The following NR2F1-AS1 variants were observed in gnomAD, a reference collection of about 807,000 sequenced individuals.
NR2F1-AS1 encodes NR2F1 regulatory antisense RNA 1.
intron 4 of NR2F1-AS1, among the ~76,000 whole-genome samples, chr5:93,457,591 C>G (rs551754290): frequency 6.6e-6 from 1 of 152,196 alleles, no homozygotes; most frequent in African/African-American, 2.4e-5. Context: ...TCCCCCTTTT[C>G]TTTTTGACAA....
chr5:93,460,389 C>T (rs947531997), intron 4 of NR2F1-AS1, among the ~76,000 whole-genome samples: 3 of 152,118 alleles, frequency 2.0e-5, no homozygotes, highest in African/African-American at 7.2e-5. Context: ...TTAGAGTAGT[C>T]TGAGGACCAC....
intron 4 of NR2F1-AS1, among the ~76,000 whole-genome samples, chr5:93,553,401 T>C (rs1752278238): frequency 6.6e-6 from 1 of 152,274 alleles, no homozygotes; most frequent in South Asian, 2.1e-4. Flanking sequence ...AATATATTTT[T>C]AAAATAAGTA....
At chr5:93,518,493 G>A (rs1460685311) in intron 4 of NR2F1-AS1, among the ~76,000 whole-genome samples, 1 of 152,066 alleles carries the variant, frequency 6.6e-6, no homozygotes, top group African/African-American at 2.4e-5. Context: ...TAAGAAAGCA[G>A]GGACTAAGGG....
intron 4 of NR2F1-AS1, among the ~76,000 whole-genome samples, chr5:93,544,416 G>T (rs1405835045): frequency 6.6e-6 from 1 of 151,972 alleles, no homozygotes; most frequent in Non-Finnish European, 1.5e-5. Flanking sequence ...AATTATATGG[G>T]TTGGCACATT....
intron 4 of NR2F1-AS1, among the ~76,000 whole-genome samples, chr5:93,424,685 T>A (rs1749159333): frequency 1.3e-5 from 2 of 152,180 alleles, no homozygotes; most frequent in South Asian, 4.1e-4. Flanking sequence ...TTCCTCATAA[T>A]ATACAAGATG....
chr5:93,517,877 T>C (rs1034355010), intron 4 of NR2F1-AS1, among the ~76,000 whole-genome samples: 3 of 152,118 alleles, frequency 2.0e-5, no homozygotes, highest in Admixed American at 2.0e-4. Context: ...GTGGGTGACC[T>C]ATTACATACC....
At chr5:93,580,790 T>G (rs951523440), upstream of NR2F1-AS1, 1 of 152,302 alleles carries the variant, frequency 6.6e-6, no homozygotes, top group Non-Finnish European at 1.5e-5. Context: ...ACCTTTTAAC[T>G]GACCAGAAGA....
intron 4 of NR2F1-AS1, among the ~76,000 whole-genome samples, chr5:93,549,324 G>C (rs1752170101): frequency 6.6e-6 from 1 of 151,968 alleles, no homozygotes; most frequent in Admixed American, 6.6e-5. Context: ...TCCTTATAAA[G>C]ACAATGAAAT....
At chr5:93,582,727 G>T (rs1286638473), upstream of NR2F1-AS1, among the ~76,000 whole-genome samples, 1 of 152,074 alleles carries the variant, frequency 6.6e-6, no homozygotes, top group East Asian at 1.9e-4. Context: ...ATCGCTAGGC[G>T]TTCTCCCCCT....
chr5:93,539,219 A>G (rs1751899731), intron 4 of NR2F1-AS1, among the ~76,000 whole-genome samples: 1 of 152,166 alleles, frequency 6.6e-6, no homozygotes, highest in African/African-American at 2.4e-5. Context: ...TGGAGGTTGC[A>G]GTGAGCTGAG....
intron 4 of NR2F1-AS1, among the ~76,000 whole-genome samples, chr5:93,540,563 T>G (rs753879735): frequency 3.9e-5 from 6 of 152,194 alleles, no homozygotes; most frequent in Non-Finnish European, 7.3e-5. Flanking sequence ...CTTTGAAGCC[T>G]TCAGTGTTTC....
intron 4 of NR2F1-AS1, among the ~76,000 whole-genome samples, chr5:93,460,014 T>C (rs145479186): frequency 2.0e-5 from 3 of 152,288 alleles, no homozygotes; most frequent in African/African-American, 7.2e-5. Context: ...TTTAAAATAC[T>C]GTCCAAACAA....
At chr5:93,488,436 T>C (rs187484078) in intron 4 of NR2F1-AS1, among the ~76,000 whole-genome samples, 10 of 152,310 alleles carry the variant, frequency 6.6e-5, no homozygotes, top group African/African-American at 2.2e-4. Context: ...CAAAGACTTA[T>C]GAACAGACAC....
intron 4 of NR2F1-AS1, chr5:93,543,042 TACTG>T (rs1246681013): frequency 6.6e-6 from 1 of 152,222 alleles, no homozygotes; most frequent in African/African-American, 2.4e-5. Context: ...CATTAGGATT[TACTG>T]ACCAGGTTCT....
At chr5:93,437,414 G>C (rs913851528) in intron 4 of NR2F1-AS1, among the ~76,000 whole-genome samples, 11 of 152,028 alleles carry the variant, frequency 7.2e-5, no homozygotes, top group African/African-American at 2.7e-4. Flanking sequence ...CTTCCTTTTA[G>C]GTTTTTTAAT....
At chr5:93,511,590 C>T (rs2149890959) in intron 4 of NR2F1-AS1, among the ~76,000 whole-genome samples, 1 of 152,232 alleles carries the variant, frequency 6.6e-6, no homozygotes, top group Non-Finnish European at 1.5e-5. Context: ...GACACTGTAG[C>T]CATCATAATG....
At chr5:93,499,363 A>G (rs937585933) in intron 4 of NR2F1-AS1, among the ~76,000 whole-genome samples, 2 of 152,252 alleles carry the variant, frequency 1.3e-5, no homozygotes, top group Non-Finnish European at 2.9e-5. Flanking sequence ...GTCTATCAGC[A>G]CTATTTTTCC....
intron 4 of NR2F1-AS1, among the ~76,000 whole-genome samples, chr5:93,462,095 A>G (rs568531516): frequency 6.6e-6 from 1 of 152,342 alleles, no homozygotes; most frequent in South Asian, 2.1e-4. Context: ...GTATATGTGA[A>G]AAATTGTATT....
intron 4 of NR2F1-AS1, among the ~76,000 whole-genome samples, chr5:93,465,447 G>A (rs1195360596): frequency 2.0e-5 from 3 of 152,226 alleles, no homozygotes; most frequent in Non-Finnish European, 2.9e-5. Flanking sequence ...AGAGGATGTG[G>A]AGAAATAGGA....
Sources: gnomAD v4.1 joint callset for allele counts (sites outside exome capture counted in the v4.1 genomes callset) on GRCh38, gnomAD v4.1.1 for gene constraint, MANE v1.5 for transcripts, NCBI Gene and HGNC (gene_info 2026-07-23, HGNC 2026-07-21) for gene names.